Variants in BORCS5 observed in about 807,000 individuals in gnomAD.
BORCS5 encodes the protein BLOC-1-related complex subunit 5.
BORCS5 carries 17 observed loss-of-function variants against 22.1 expected under a neutral mutation model. The observed-to-expected ratio is 0.77, with a 90% CI of 0.53 to 1.15. The LOEUF is 1.15. Ranked by LOEUF, BORCS5 falls within the 50% of genes most tolerant of loss-of-function variation. The pLI, the probability that BORCS5 is intolerant of heterozygous loss-of-function variation, is 0.00. For synonymous variants in BORCS5, 117 were observed against 99.8 expected, an observed-to-expected ratio of 1.17 and a Z score of -1.03; for missense variants, 247 against 253.2, an observed-to-expected ratio of 0.98 and a Z score of 0.17.
chr12:12,449,420 A>T (rs768733823), intron 3 of BORCS5, among the ~76,000 whole-genome samples: 8 of 152,158 alleles, frequency 5.3e-5, no homozygotes, highest in Non-Finnish European at 1.2e-4. Flanking sequence ...GCTGCCATCA[A>T]TGCCATTTGC....
intron 2 of BORCS5, among the ~76,000 whole-genome samples, chr12:12,423,684 C>G (rs201556715): frequency 1.1e-5 from 1 of 93,644 alleles, no homozygotes; most frequent in East Asian, 2.3e-4. Flanking sequence ...TCAAATTTCT[C>G]GTTGTCTTTT....
At chr12:12,381,666 T>G (rs1269476614) in intron 2 of BORCS5, among the ~76,000 whole-genome samples, 1 of 151,544 alleles carries the variant, frequency 6.6e-6, no homozygotes, top group Non-Finnish European at 1.5e-5. Flanking sequence ...TTCATAGTTT[T>G]GCATTTTACA....
intron 2 of BORCS5, among the ~76,000 whole-genome samples, chr12:12,430,869 T>G (rs1424909125): frequency 1.3e-5 from 2 of 152,204 alleles, no homozygotes; most frequent in East Asian, 1.9e-4. Context: ...AATTTTATCT[T>G]ATGGAGGTTT....
At chr12:12,459,450 A>G (rs1482915911) in intron 3 of BORCS5, among the ~76,000 whole-genome samples, 10 of 151,928 alleles carry the variant, frequency 6.6e-5, no homozygotes, top group Admixed American at 4.6e-4. Context: ...AGCTGGGACT[A>G]TAGGCATGCA....
chr12:12,459,660 T>G (rs906408585), intron 3 of BORCS5, among the ~76,000 whole-genome samples: 1 of 152,236 alleles, frequency 6.6e-6, no homozygotes, highest in African/African-American at 2.4e-5. Flanking sequence ...TTTTATAGTT[T>G]TAGCTTCCAT....
At chr12:12,422,070 T>C (rs10845536) in intron 2 of BORCS5, among the ~76,000 whole-genome samples, 49,739 of 152,000 alleles carry the variant, frequency 0.33, 8,867 homozygotes, top group Non-Finnish European at 0.4. Context: ...GCTCTGATCT[T>C]AGTTATTTCT....
At chr12:12,364,983 C>G (rs1280439571) in intron 2 of BORCS5, among the ~76,000 whole-genome samples, 1 of 152,142 alleles carries the variant, frequency 6.6e-6, no homozygotes, top group Non-Finnish European at 1.5e-5. Flanking sequence ...AATAAATCAT[C>G]ACTGAGTGCC....
chr12:12,388,749 CT>C (rs1565856484), intron 2 of BORCS5, among the ~76,000 whole-genome samples: 1 of 150,954 alleles, frequency 6.6e-6, no homozygotes, highest in Non-Finnish European at 1.5e-5. Context: ...GCCAGATAGA[CT>C]ATCTTTCTGC....
rs1943270830 is a variant in BORCS5 at position 12,470,251 on chromosome 12, G to A, written c.*4475G>A. Reference sequence around the variant, plus strand: ...ACACCCGGCTAATTTTTTATTTTTAGTAGAGATGGGGTTTCACCATGTTGG... The same window carrying A: ...ACACCCGGCTAATTTTTTATTTTTAATAGAGATGGGGTTTCACCATGTTGG... On this transcript the variant is annotated 3_prime_UTR_variant, in exon 4 of 4. Coordinates refer to ENST00000314565, the MANE Select transcript of BORCS5 (RefSeq NM_058169.6). Among the ~76,000 whole-genome samples the A allele has an allele frequency of 2.6e-5, 4 of 152,122 alleles. No homozygotes were observed. The highest frequency in any genetic ancestry group is 2.6e-4 in the Admixed American group (4 of 15,258).
At position 12,468,904 on chromosome 12, in the gene BORCS5, A is replaced by T. The variant is rs2136171215; in HGVS notation, c.*3128A>T. 1 of 152,314 alleles carries T rather than the reference A, an allele frequency of 6.6e-6. No individual in the cohort carries two copies. The highest frequency in any genetic ancestry group is 2.4e-5 in the African/African-American group (1 of 41,574). 9.4% of individuals were successfully genotyped at this position (152,314 alleles called of 1,614,324 possible). A position where few individuals can be genotyped will look rare whatever the true frequency, so the allele number is the denominator to read the frequency against. On this transcript the variant is annotated 3_prime_UTR_variant, in exon 4 of 4. Coordinates refer to ENST00000314565, the MANE Select transcript of BORCS5 (RefSeq NM_058169.6). Reference sequence around the variant, plus strand: ...AACGCTATATATGGTTTTATAGACCACACATATATAGTTTCCTGTGTCTTA... The same window carrying T: ...AACGCTATATATGGTTTTATAGACCTCACATATATAGTTTCCTGTGTCTTA...
chr12:12,429,331 G>A (rs529182839), intron 2 of BORCS5, among the ~76,000 whole-genome samples: 5 of 152,200 alleles, frequency 3.3e-5, no homozygotes, highest in Admixed American at 1.3e-4. Context: ...GGAAAACATT[G>A]TGTTCAATGC....
chr12:12,393,826 C>T (rs1479072749), intron 2 of BORCS5, among the ~76,000 whole-genome samples: 1 of 151,788 alleles, frequency 6.6e-6, no homozygotes, highest in African/African-American at 2.4e-5. Flanking sequence ...CGGCCTTTGT[C>T]TCTATTTTTG....
At position 12,357,408 on chromosome 12, in the gene BORCS5, A is replaced by ACCGCCCGGC; in HGVS notation, c.-38_-30dup. ...CCTGTCGCCCGCCGCCGGAGCGGTG[A>ACCGCCCGGC]CCGCCCGGCCCGCCGTTCTTCTGCT... is the stretch of plus-strand genomic sequence containing the variant. On this transcript the variant is annotated 5_prime_UTR_variant, in exon 1 of 4. Transcript: ENST00000314565. 6.3e-7 allele frequency: 1 copy of ACCGCCCGGC among 1,591,670 alleles called. No individual in the cohort carries two copies. Among genetic ancestry groups the ACCGCCCGGC allele is most frequent in the Non-Finnish European group, 8.6e-7 (1 of 1,165,482 alleles).
At chr12:12,361,097 A>T in intron 1 of BORCS5, 109 bp from the exon 2 acceptor site, 1 of 1,113,020 alleles carries the variant, frequency 9.0e-7, no homozygotes, top group African/African-American at 1.6e-5. Flanking sequence ...CAACTGCAAG[A>T]TAGCTACATT....
intron 2 of BORCS5, among the ~76,000 whole-genome samples, chr12:12,376,001 C>T (rs1033417986): frequency 6.6e-6 from 1 of 152,006 alleles, no homozygotes; most frequent in Non-Finnish European, 1.5e-5. Flanking sequence ...GATGGGGTTT[C>T]GCCATGTTGG....
chr12:12,424,881 G>C (rs1444720679), intron 2 of BORCS5, among the ~76,000 whole-genome samples: 1 of 152,046 alleles, frequency 6.6e-6, no homozygotes, highest in African/African-American at 2.4e-5. Flanking sequence ...TTAATGTCCG[G>C]GTCCCAGAGA....
rs1234219259 is a variant in BORCS5 at position 12,415,419 on chromosome 12, G to A, written c.203-20209G>A. On this transcript the variant is annotated intron_variant, in intron 2 of 3. Coordinates refer to ENST00000314565, the MANE Select transcript of BORCS5 (RefSeq NM_058169.6). ...ACGAAAACCAGTCAGGCGTGGCGGC[G>A]TGCGCCTGCAATCGCAGGCACTCGG... 2.6e-5 allele frequency among the ~76,000 whole-genome samples: 4 copies of A among 151,626 alleles called. No homozygotes were observed. The East Asian group carries it at 7.8e-4, about 29-fold the overall frequency.
chr12:12,429,916 C>T (rs1001469713), intron 2 of BORCS5, among the ~76,000 whole-genome samples: 3 of 152,112 alleles, frequency 2.0e-5, no homozygotes, highest in South Asian at 2.1e-4. Context: ...AGGACTCGCT[C>T]TTAGGCATAT....
At chr12:12,427,527 G>A (rs983800039) in intron 2 of BORCS5, among the ~76,000 whole-genome samples, 10 of 152,160 alleles carry the variant, frequency 6.6e-5, no homozygotes, top group African/African-American at 1.7e-4. Context: ...TTGAGAACTA[G>A]AGTTTAAGTA....
Sources: gnomAD v4.1 joint callset for allele counts (sites outside exome capture counted in the v4.1 genomes callset) on GRCh38, gnomAD v4.1.1 for gene constraint, MANE v1.5 for transcripts, NCBI Gene and HGNC (gene_info 2026-07-23, HGNC 2026-07-21) for gene names.